RIMS2: variants seen among roughly 807,000 people sequenced by gnomAD.
RIMS2 encodes regulating synaptic membrane exocytosis 2.
RIMS2 carries 59 observed loss-of-function variants against 174.4 expected under a neutral mutation model. That is an observed-to-expected ratio of 0.34 (90% confidence interval 0.27 to 0.42). RIMS2 has a LOEUF of 0.42. Ranked by LOEUF, RIMS2 falls within the 10% of genes least tolerant of loss-of-function variation. RIMS2 has a pLI of 1.00. For missense variants in RIMS2, 1,620 were observed against 1,666.3 expected, an observed-to-expected ratio of 0.97 and a Z score of 0.48; for synonymous variants, 606 against 572.5, an observed-to-expected ratio of 1.06 and a Z score of -0.84.
intron 19 of RIMS2, among the ~76,000 whole-genome samples, chr8:104,071,626 C>T (rs774211172): frequency 3.9e-4 from 59 of 152,188 alleles, no homozygotes; most frequent in Non-Finnish European, 1.9e-4. Flanking sequence ...TTAGTAGAGA[C>T]GGGGTTTCAC....
At chr8:103,739,747 TA>T (rs2139286146) in intron 2 of RIMS2, among the ~76,000 whole-genome samples, 1 of 152,318 alleles carries the variant, frequency 6.6e-6, no homozygotes, top group East Asian at 1.9e-4. Context: ...ATTATCTCTT[TA>T]TCATGTATTA....
chr8:103,574,376 C>T (rs1420782716), intron 1 of RIMS2, among the ~76,000 whole-genome samples: 1 of 152,096 alleles, frequency 6.6e-6, no homozygotes, highest in African/African-American at 2.4e-5. Flanking sequence ...GTGTAGTTTC[C>T]ACTAAGCTTT....
At chr8:103,924,479 T>A (rs2154530235) in intron 10 of RIMS2, among the ~76,000 whole-genome samples, 1 of 151,800 alleles carries the variant, frequency 6.6e-6, no homozygotes, top group South Asian at 2.1e-4. Context: ...ATGTAGAGGT[T>A]GGAAAAATAT....
At chr8:104,248,802 C>T (rs1256882806) in exon 21 of RIMS2, 1 of 1,563,806 alleles carries the variant, frequency 6.4e-7, no homozygotes, top group Admixed American at 1.7e-5. Context: ...ACTCTGGCAA[C>T]ACCTGCAATG....
At chr8:103,857,313 G>A (rs2099033296) in intron 3 of RIMS2, among the ~76,000 whole-genome samples, 1 of 152,146 alleles carries the variant, frequency 6.6e-6, no homozygotes, top group Non-Finnish European at 1.5e-5. Context: ...GAATAAGATA[G>A]TTACAGTTTA....
chr8:104,008,355 A>G (rs1159358937), intron 17 of RIMS2, among the ~76,000 whole-genome samples: 1 of 151,792 alleles, frequency 6.6e-6, no homozygotes, highest in Non-Finnish European at 1.5e-5. Context: ...TTCTGTATTA[A>G]TTATTATGGG....
chr8:103,834,924 T>A (rs1431457987), intron 3 of RIMS2, among the ~76,000 whole-genome samples: 1 of 148,542 alleles, frequency 6.7e-6, no homozygotes, highest in East Asian at 2.0e-4. Context: ...GCATGCGCCA[T>A]CCTGCCCAGC....
At chr8:103,941,090 G>T (rs1185271293) in intron 13 of RIMS2, among the ~76,000 whole-genome samples, 1 of 152,184 alleles carries the variant, frequency 6.6e-6, no homozygotes, top group South Asian at 2.1e-4. Context: ...GCAACTCAGG[G>T]TTAATATGAG....
At chr8:103,988,950 T>C (rs2094526295) in intron 16 of RIMS2, among the ~76,000 whole-genome samples, 1 of 152,198 alleles carries the variant, frequency 6.6e-6, no homozygotes, top group Admixed American at 6.5e-5. Context: ...ACTGAACATA[T>C]TTTCTCCATA....
In RIMS2 at chr8:104,181,504, C is replaced by T. The variant is rs183054415; in HGVS notation, c.3335-63412C>T. 2.0e-5 allele frequency among the ~76,000 whole-genome samples: 3 copies of T among 151,476 alleles called. No homozygotes were observed. In the East Asian group the frequency reaches 5.8e-4, roughly 29 times the overall value. ...CTGTTGTAATTTCATATTATGTATC[C>T]CAAACTTAAACTGTACTACTGAGTC... On this transcript the variant is annotated intron_variant, in intron 19 of 23. Coordinates refer to ENST00000504942, the Ensembl canonical transcript of RIMS2.
intron 19 of RIMS2, among the ~76,000 whole-genome samples, chr8:104,048,813 A>G (rs1740974405): frequency 6.7e-6 from 1 of 149,488 alleles, no homozygotes; most frequent in South Asian, 2.1e-4. Context: ...AAATAATCAA[A>G]GAATGGTAGC....
chr8:103,748,599 C>A (rs2097849196), intron 2 of RIMS2, among the ~76,000 whole-genome samples: 1 of 152,104 alleles, frequency 6.6e-6, no homozygotes, highest in Admixed American at 6.5e-5. Flanking sequence ...TTCCATATCA[C>A]CAAATTTCAT....
chr8:103,569,056 T>C, intron 1 of RIMS2: 1 of 387,278 alleles, frequency 2.6e-6, no homozygotes, highest in Non-Finnish European at 4.7e-6. Context: ...AATTTATCTT[T>C]TTTTTTGTTT....
intron 2 of RIMS2, among the ~76,000 whole-genome samples, chr8:103,747,061 A>G (rs899443515): frequency 5.4e-5 from 8 of 146,998 alleles, no homozygotes; most frequent in Admixed American, 2.7e-4. Flanking sequence ...CCTGCAAAGG[A>G]CATGATCTTC....
At chr8:104,060,063 A>G (rs975816938) in intron 19 of RIMS2, among the ~76,000 whole-genome samples, 1 of 151,882 alleles carries the variant, frequency 6.6e-6, no homozygotes, top group Non-Finnish European at 1.5e-5. Context: ...CGGCTTTGGT[A>G]TCAGGATGAT....
exon 23 of RIMS2, chr8:104,251,046 A>C: frequency 6.2e-7 from 1 of 1,613,444 alleles, no homozygotes; most frequent in Non-Finnish European, 8.5e-7. Context: ...AAGTGTATCT[A>C]TTAGATAACG....
chr8:103,651,899 A>C (rs2096459129), intron 1 of RIMS2, among the ~76,000 whole-genome samples: 1 of 152,162 alleles, frequency 6.6e-6, no homozygotes. Context: ...TGTTTAATAT[A>C]GTATGTTAAA....
At chr8:104,256,053 A>T (rs927623856), downstream of RIMS2, 2 of 152,208 alleles carry the variant, frequency 1.3e-5, no homozygotes, top group Admixed American at 1.3e-4. Flanking sequence ...ATCAAAAACA[A>T]TGTTTGACAC....
At position 104,014,077 on chromosome 8, in the gene RIMS2, T is replaced by G. The variant is rs78696608; in HGVS notation, c.3225-429T>G. ...GTTCAGGATTTTATTTGTAGTTTCA[T>G]GCAATGTTTTCTAATAAAGGGATAT... is the stretch of plus-strand genomic sequence containing the variant. On this transcript the variant is annotated intron_variant, in intron 18 of 23. Coordinates refer to ENST00000504942, the Ensembl canonical transcript of RIMS2. 1.3e-4 allele frequency among the ~76,000 whole-genome samples: 20 copies of G among 152,212 alleles called. No individual in the cohort carries two copies. The East Asian group carries it at 1.5e-3, about 12-fold the overall frequency.
Sources: gnomAD v4.1 joint callset for allele counts (sites outside exome capture counted in the v4.1 genomes callset) on GRCh38, gnomAD v4.1.1 for gene constraint, MANE v1.5 for transcripts, NCBI Gene and HGNC (gene_info 2026-07-23, HGNC 2026-07-21) for gene names.